The following LHFPL2 variants were observed in gnomAD, a reference collection of about 807,000 sequenced individuals.
LHFPL2 encodes the protein LHFPL tetraspan subfamily member 2 protein.
Under a neutral mutation model 17.5 loss-of-function variants are expected in LHFPL2, and 7 were observed. The ratio of observed to expected loss-of-function variants is 0.40; its 90% confidence interval spans 0.23 to 0.75. LHFPL2 has a LOEUF of 0.75. Among genes scored for constraint, LHFPL2 ranks in the 30% least tolerant of loss-of-function variants. The pLI is 0.37. For synonymous variants in LHFPL2, 134 were observed against 116.2 expected (o/e 1.15, Z -0.99); for missense variants, 241 against 294.8 (o/e 0.82, Z 1.34).
intron 4 of LHFPL2, among the ~76,000 whole-genome samples, chr5:78,509,445 G>T (rs1411099477): frequency 3.3e-5 from 5 of 152,222 alleles, no homozygotes; most frequent in Admixed American, 3.3e-4. Flanking sequence ...GAGTTGCACT[G>T]AAGTGGAGAG....
intron 3 of LHFPL2, among the ~76,000 whole-genome samples, chr5:78,523,451 A>C (rs1373968872): frequency 1.3e-5 from 2 of 152,164 alleles, no homozygotes; most frequent in Non-Finnish European, 1.5e-5. Flanking sequence ...GGGTAGAAGA[A>C]GGCGGGAGGA....
chr5:78,584,995 GTTTTTTTTT>G (rs1163195083), intron 2 of LHFPL2, among the ~76,000 whole-genome samples: 2 of 40,504 alleles, frequency 4.9e-5, no homozygotes, highest in Non-Finnish European at 1.1e-4. Flanking sequence ...GGTGCGCTGT[GTTTTTTTTT>G]TTTTTTTTTT....
intron 2 of LHFPL2, among the ~76,000 whole-genome samples, chr5:78,576,252 G>A (rs889197486): frequency 2.0e-5 from 3 of 150,536 alleles, no homozygotes; most frequent in East Asian, 3.9e-4. Flanking sequence ...CCGAGATCGC[G>A]CCACTGCACT....
intron 1 of LHFPL2, among the ~76,000 whole-genome samples, chr5:78,638,929 A>G (rs1745562967): frequency 6.6e-6 from 1 of 152,218 alleles, no homozygotes; most frequent in African/African-American, 2.4e-5. Context: ...CACATCCCAA[A>G]CTAGAGGAAA....
chr5:78,610,514 G>A (rs1291072301), intron 2 of LHFPL2, among the ~76,000 whole-genome samples: 1 of 152,192 alleles, frequency 6.6e-6, no homozygotes, highest in Non-Finnish European at 1.5e-5. Flanking sequence ...CAGAACTGTG[G>A]TGTGCATGGG....
At chr5:78,597,170 C>A (rs575815450) in intron 2 of LHFPL2, among the ~76,000 whole-genome samples, 2 of 152,168 alleles carry the variant, frequency 1.3e-5, no homozygotes, top group South Asian at 4.1e-4. Flanking sequence ...AAACAGCCCA[C>A]GAGCGAGGCG....
At chr5:78,595,171 A>G (rs1373945974) in intron 2 of LHFPL2, among the ~76,000 whole-genome samples, 1 of 152,240 alleles carries the variant, frequency 6.6e-6, no homozygotes, top group African/African-American at 2.4e-5. Context: ...TAGACAAGCC[A>G]TGTGCAGACA....
chr5:78,503,868 T>C (rs1412033740), intron 4 of LHFPL2, among the ~76,000 whole-genome samples: 1 of 152,180 alleles, frequency 6.6e-6, no homozygotes, highest in Non-Finnish European at 1.5e-5. Context: ...TGGTACAGTT[T>C]GTGAAATGAT....
chr5:78,639,630 AT>A (rs1007136204), intron 1 of LHFPL2, among the ~76,000 whole-genome samples: 15 of 115,318 alleles, frequency 1.3e-4, no homozygotes, highest in African/African-American at 4.2e-4. Context: ...ACAGTTGGCC[AT>A]TTTAAAAAAA....
intron 3 of LHFPL2, among the ~76,000 whole-genome samples, chr5:78,532,190 C>A (rs137916849): frequency 0.059 from 8,911 of 152,214 alleles, 339 homozygotes; most frequent in Non-Finnish European, 0.088. Flanking sequence ...TCCCAAAGTG[C>A]TGGGATTACA....
At chr5:78,597,567 CTG>C (rs1186179270) in intron 2 of LHFPL2, among the ~76,000 whole-genome samples, 2 of 152,164 alleles carry the variant, frequency 1.3e-5, no homozygotes, top group East Asian at 1.9e-4. Context: ...TTATGGAAGA[CTG>C]TGAACAAGCA....
intron 3 of LHFPL2, among the ~76,000 whole-genome samples, chr5:78,534,380 C>T (rs1440312565): frequency 6.6e-6 from 1 of 152,210 alleles, no homozygotes. Flanking sequence ...TGTCCTCGAG[C>T]AGGCTGCACT....
rs567476120 is a variant in LHFPL2 at position 78,592,492 on chromosome 5, T to G, written c.-244-27621A>C. 5.3e-5 allele frequency among the ~76,000 whole-genome samples: 8 copies of G among 152,308 alleles called. No homozygotes were observed. In the East Asian group the frequency reaches 1.5e-3, roughly 29 times the overall value. ...CGGGAAGCAGGGTGCTTTTTCCTTC[T>G]CTCTCCACCAAAGTTTCACAATTAT... On this transcript the variant is annotated intron_variant, in intron 2 of 4. Coordinates refer to ENST00000380345, the MANE Select transcript of LHFPL2 (RefSeq NM_005779.3).
chr5:78,646,991 T>C (rs1027887565), intron 1 of LHFPL2, among the ~76,000 whole-genome samples: 1 of 152,218 alleles, frequency 6.6e-6, no homozygotes, highest in Non-Finnish European at 1.5e-5. Context: ...TTTCCTGATA[T>C]AAAATGTTTG....
Position 78,486,019 on chromosome 5 carries a change from A to C in LHFPL2, c.*2878T>G, listed in dbSNP as rs758537022. The C allele has an allele frequency of 6.6e-6, 1 of 152,538 alleles. No individual in the cohort carries two copies. Among genetic ancestry groups the C allele is most frequent in the Non-Finnish European group, 1.5e-5 (1 of 68,000 alleles). The allele number at this position is 152,538 out of a possible 1,614,324, so 9.4% of individuals were successfully genotyped here. On this transcript the variant is annotated 3_prime_UTR_variant, in exon 5 of 5. Coordinates refer to ENST00000380345, the MANE Select transcript of LHFPL2 (RefSeq NM_005779.3). ...GACTCCTGTCCAGTTTCCAAAACAAAACAACAAAACATACATACACCTTTG... is the reference window on the plus strand; with the variant it reads ...GACTCCTGTCCAGTTTCCAAAACAACACAACAAAACATACATACACCTTTG...
At chr5:78,571,380 C>T (rs946391973) in intron 2 of LHFPL2, among the ~76,000 whole-genome samples, 1 of 152,156 alleles carries the variant, frequency 6.6e-6, no homozygotes, top group African/African-American at 2.4e-5. Flanking sequence ...TGTCATCTTC[C>T]ACGCAGCCTT....
rs555864350 is a variant in LHFPL2 at position 78,645,140 on chromosome 5, A to G, written c.-350+3359T>C. ...GATCACTTCCCTCTGACCAGGCTGGAGAGTGGAAGGCAAGGACACCCAACA... is the reference window on the plus strand; with the variant it reads ...GATCACTTCCCTCTGACCAGGCTGGGGAGTGGAAGGCAAGGACACCCAACA... On this transcript the variant is annotated intron_variant, in intron 1 of 4. Coordinates refer to ENST00000380345, the MANE Select transcript of LHFPL2 (RefSeq NM_005779.3). Among the ~76,000 whole-genome samples, 232 of 152,220 alleles carry G rather than the reference A, an allele frequency of 1.5e-3. 1 individual carries two copies. Among genetic ancestry groups the G allele is most frequent in the African/African-American group, 5.1e-3 (213 of 41,530 alleles).
At chr5:78,579,259 T>A in intron 2 of LHFPL2, among the ~76,000 whole-genome samples, 1 of 151,630 alleles carries the variant, frequency 6.6e-6, no homozygotes, top group Admixed American at 6.6e-5. Flanking sequence ...CAGGAGAGGG[T>A]GGAGGAGGAG....
intron 2 of LHFPL2, among the ~76,000 whole-genome samples, chr5:78,605,711 C>T (rs1744189872): frequency 6.6e-6 from 1 of 152,164 alleles, no homozygotes; most frequent in East Asian, 1.9e-4. Context: ...CAAAATTTCA[C>T]TCAAGCATGA....
Sources: gnomAD v4.1 joint callset for allele counts (sites outside exome capture counted in the v4.1 genomes callset) on GRCh38, gnomAD v4.1.1 for gene constraint, MANE v1.5 for transcripts, NCBI Gene and HGNC (gene_info 2026-07-23, HGNC 2026-07-21) for gene names.